Variants in PDE9A observed in about 807,000 individuals in gnomAD.
The protein encoded by PDE9A is phosphodiesterase 9A, also known as high affinity cGMP-specific 3',5'-cyclic phosphodiesterase 9A.
Under a neutral mutation model 87.4 loss-of-function variants are expected in PDE9A, and 60 were observed. The ratio of observed to expected loss-of-function variants is 0.69; its 90% CI spans 0.56 to 0.85. The LOEUF (loss-of-function observed/expected upper bound fraction) is 0.85, where lower values mean the gene tolerates loss of function less well. Among genes scored for constraint, PDE9A ranks in the 40% least tolerant of loss-of-function variants. The pLI is 0.00. For synonymous variants in PDE9A, 272 were observed against 279.4 expected (o/e 0.97, Z 0.27); for missense variants, 665 against 779.0 (o/e 0.85, Z 1.74).
At chr21:42,770,581 T>C (rs986471657) in intron 17 of PDE9A, 122 bp from the exon 18 acceptor site, 1 of 684,160 alleles carries the variant, frequency 1.5e-6, no homozygotes, top group Admixed American at 2.1e-5. Context: ...GGCACGAGGG[T>C]GTCCAGGAGC....
At chr21:42,715,896 C>G (rs1295636669) in intron 4 of PDE9A, among the ~76,000 whole-genome samples, 1 of 148,902 alleles carries the variant, frequency 6.7e-6, no homozygotes, top group Non-Finnish European at 1.5e-5. Context: ...CCTTCAAAAC[C>G]CCCTGTGCGC....
chr21:42,763,945 G>A (rs775403376), intron 14 of PDE9A, among the ~76,000 whole-genome samples: 1 of 152,232 alleles, frequency 6.6e-6, no homozygotes, highest in Non-Finnish European at 1.5e-5. Context: ...TCCCTGGGAC[G>A]GGGCCCTGAG....
At chr21:42,689,380 C>A in intron 3 of PDE9A, 2 of 208,120 alleles carry the variant, frequency 9.6e-6, no homozygotes, top group Non-Finnish European at 1.7e-5. Context: ...CCGGAAGGTG[C>A]AGTGCTAATT....
At chr21:42,761,784 T>G (rs2055797109) in intron 13 of PDE9A, among the ~76,000 whole-genome samples, 1 of 152,168 alleles carries the variant, frequency 6.6e-6, no homozygotes, top group Non-Finnish European at 1.5e-5. Context: ...TGGCACCTGG[T>G]GACGTTTGAT....
In PDE9A at chr21:42,751,705, G is replaced by A. The variant is rs190113287; in HGVS notation, c.735+508G>A. ...TCGAGTTGCCGGTCACCCGCTCAAC[G>A]CCTTCAGCTGGGAAGCAGGCAAAAT... On this transcript the variant is annotated intron_variant, in intron 9 of 19. Coordinates refer to ENST00000291539, the MANE Select transcript of PDE9A (RefSeq NM_002606.3). Among the ~76,000 whole-genome samples, 884 of 150,088 alleles carry A rather than the reference G, an allele frequency of 5.9e-3. 11 individuals are homozygous for A. Among genetic ancestry groups the A allele is most frequent in the Middle Eastern group, 0.014 (4 of 280 alleles).
chr21:42,761,048 C>T (rs554321768), intron 13 of PDE9A, 141 bp downstream of exon 13: 57 of 679,864 alleles, frequency 8.4e-5, no homozygotes, highest in South Asian at 7.7e-4. Context: ...CCTCCACTGA[C>T]ACAGCTCCTG....
At chr21:42,754,404 T>C (rs1385010581) in intron 10 of PDE9A, among the ~76,000 whole-genome samples, 2 of 152,168 alleles carry the variant, frequency 1.3e-5, no homozygotes, top group African/African-American at 4.8e-5. Context: ...AGCCCCGTGC[T>C]GCAGAACACC....
At chr21:42,688,248 C>T (rs2059587720) in intron 3 of PDE9A, among the ~76,000 whole-genome samples, 2 of 152,132 alleles carry the variant, frequency 1.3e-5, no homozygotes. Flanking sequence ...AGGCATTGTA[C>T]AGAGGGGAAA....
At chr21:42,744,818 A>G (rs1454017238) in intron 8 of PDE9A, among the ~76,000 whole-genome samples, 2 of 152,172 alleles carry the variant, frequency 1.3e-5, no homozygotes, top group Admixed American at 6.5e-5. Flanking sequence ...TAGCAAAGAG[A>G]CGGCGGTGAT....
intron 1 of PDE9A, among the ~76,000 whole-genome samples, chr21:42,661,482 A>G (rs1219641740): frequency 6.7e-6 from 1 of 148,360 alleles, no homozygotes; most frequent in Non-Finnish European, 1.5e-5. Flanking sequence ...AAGTGGAATC[A>G]CACAGGATCG....
At chr21:42,761,665 T>C (rs934782577) in intron 13 of PDE9A, among the ~76,000 whole-genome samples, 2 of 152,202 alleles carry the variant, frequency 1.3e-5, no homozygotes, top group African/African-American at 2.4e-5. Context: ...CACCCATCTG[T>C]TCCCCTTTTG....
chr21:42,707,016 C>T (rs1190105744), intron 4 of PDE9A, among the ~76,000 whole-genome samples: 1 of 152,078 alleles, frequency 6.6e-6, no homozygotes, highest in Non-Finnish European at 1.5e-5. Context: ...GGCTACGTCA[C>T]GTTTGGTTGA....
chr21:42,724,682 G>T (rs959708587), intron 4 of PDE9A: 2 of 752,480 alleles, frequency 2.7e-6, no homozygotes, highest in Non-Finnish European at 3.2e-6. Context: ...CTCACTGGGA[G>T]CGCAGCTTTG....
rs142265152 is a variant in PDE9A, at chr21:42,686,222, G to C, written c.100G>C (p.Asp34His). ...CTTCAGCAAGTACTGCAACTCCAGC[G>C]ACATCATGGACCTGTTCTGCATCGC... The part of the protein sequence containing the change: ...VIFSKYCNSS[D>H]IMDLFCIATG... The change falls in exon 2 of 20, where the codon GAC becomes CAC. Residue 34 changes from aspartate (D) to histidine (H), a missense_variant. Transcript: ENST00000291539. The C allele has an allele frequency of 1.7e-4, 267 of 1,613,802 alleles. No homozygotes were observed. Among genetic ancestry groups the C allele is most frequent in the Non-Finnish European group, 2.2e-4 (254 of 1,179,840 alleles).
intron 7 of PDE9A, among the ~76,000 whole-genome samples, chr21:42,742,421 G>T (rs1312791781): frequency 1.3e-5 from 2 of 149,634 alleles, no homozygotes; most frequent in Non-Finnish European, 3.0e-5. Context: ...TGATTGATTG[G>T]TCAGGGAGGA....
intron 4 of PDE9A, among the ~76,000 whole-genome samples, chr21:42,710,146 G>A (rs1427906052): frequency 4.6e-5 from 7 of 151,856 alleles, no homozygotes; most frequent in Admixed American, 6.6e-5. Context: ...AGTGGCTCAC[G>A]CCTGTAATCC....
At chr21:42,761,198 G>A (rs894141380) in intron 13 of PDE9A, among the ~76,000 whole-genome samples, 1 of 152,246 alleles carries the variant, frequency 6.6e-6, no homozygotes, top group Non-Finnish European at 1.5e-5. Flanking sequence ...CCCCGCCGGC[G>A]CCTTCTCCAC....
intron 4 of PDE9A, among the ~76,000 whole-genome samples, chr21:42,724,390 T>A (rs1008861977): frequency 6.6e-6 from 1 of 152,108 alleles, no homozygotes; most frequent in African/African-American, 2.4e-5. Flanking sequence ...ATCACAGTTG[T>A]TTTAAGTTCT....
chr21:42,704,425 C>T lies in PDE9A; in HGVS notation c.262+5414C>T, dbSNP rs2048638802. Among the ~76,000 whole-genome samples, 3 of 133,824 alleles carry T rather than the reference C, an allele frequency of 2.2e-5. No individual in the cohort carries two copies. Among genetic ancestry groups the T allele is most frequent in the African/African-American group, 6.2e-5 (2 of 32,486 alleles). The allele number at this position is 133,824 out of a possible 152,430, so 87.8% of individuals were successfully genotyped here. On this transcript the variant is annotated intron_variant, in intron 4 of 19. Coordinates refer to ENST00000291539, the MANE Select transcript of PDE9A (RefSeq NM_002606.3). This position sits in a 1 kb window ranked among gnomAD's most constrained non-coding sequence, Gnocchi z 5.3. ...GTCGGTGTCAGGTAGACCCCCCCCA[C>T]CCCACCAAACACACACACACACACA...
Sources: gnomAD v4.1 joint callset for allele counts (sites outside exome capture counted in the v4.1 genomes callset) on GRCh38, gnomAD v4.1.1 for gene constraint, Gnocchi (gnomAD v3.1) non-coding constraint, MANE v1.5 for transcripts, NCBI Gene and HGNC (gene_info 2026-07-23, HGNC 2026-07-21) for gene names.